The following ZBTB17 variants were observed in gnomAD, a reference collection of about 807,000 sequenced individuals.
ZBTB17 encodes the protein zinc finger and BTB domain-containing protein 17.
ZBTB17 carries 24 observed loss-of-function variants against 85.1 expected under a neutral mutation model. That is an observed-to-expected ratio of 0.28 (90% CI 0.20 to 0.40). The LOEUF is 0.40. ZBTB17 is among the 10% of genes least tolerant of loss of function. The pLI is 1.00. For synonymous variants in ZBTB17, 464 were observed against 460.2 expected, an observed-to-expected ratio of 1.01 and a Z score of -0.11; for missense variants, 743 against 1,105.1, an observed-to-expected ratio of 0.67 and a Z score of 4.65.
chr1:15,970,774 C>T lies in ZBTB17; in HGVS notation c.-3+2265G>A, dbSNP rs542288943. On this transcript the variant is annotated intron_variant, in intron 2 of 15. Transcript: ENST00000375743. ...ATGTTAGCCAGGATGGTCTCGATCT[C>T]CTGACCTCGTGATCCACCCACCTCA... is the stretch of plus-strand genomic sequence containing the variant. 2.5e-3 allele frequency among the ~76,000 whole-genome samples: 384 copies of T among 152,270 alleles called. 1 individual carries two copies. The highest frequency in any genetic ancestry group is 7.1e-3 in the Admixed American group (109 of 15,298).
intron 2 of ZBTB17, among the ~76,000 whole-genome samples, chr1:15,960,888 T>G (rs2148797155): frequency 6.6e-6 from 1 of 152,320 alleles, no homozygotes; most frequent in Admixed American, 6.5e-5. Context: ...CCAAGGTCCC[T>G]TGTAGTGTTA....
rs1424323312 is a variant in ZBTB17, at chr1:15,948,316, C to T, written c.180G>A (p.Val60=). 1 of 1,613,930 alleles carries T rather than the reference C, an allele frequency of 6.2e-7. No individual in the cohort carries two copies. Among genetic ancestry groups the T allele is most frequent in the Admixed American group, 1.7e-5 (1 of 60,032 alleles). Residue 60 remains valine (V), a synonymous_variant, in exon 3 of 16, where the codon GTG becomes GTA. Transcript: ENST00000375743. The part of the protein sequence containing the change: ...KMLFVDQKDV[V]HLDISNAAGL... ...CTGCCGCGTTACTGATGTCCAGGTG[C>T]ACCACGTCCTTCTGGTCCACGAAGA...
rs1441752551 is a variant in ZBTB17 at position 15,952,276 on chromosome 1, G to A, written c.-2-3779C>T. On this transcript the variant is annotated intron_variant, in intron 2 of 15. Transcript: ENST00000375743. The surrounding 1 kb of genome is among the most constrained non-coding windows in gnomAD (Gnocchi z 4.3). ...TTTTTCTCCCTCACCTCAGGTGTCA[G>A]AGCTGGGATGCTGTCCTGATGACCA... Among the ~76,000 whole-genome samples the A allele has an allele frequency of 6.6e-6, 1 of 152,178 alleles. No individual in the cohort carries two copies. The highest frequency in any genetic ancestry group is 1.5e-5 in the Non-Finnish European group (1 of 68,030).
At chr1:15,959,566 A>T (rs1244264902) in intron 2 of ZBTB17, among the ~76,000 whole-genome samples, 1 of 137,790 alleles carries the variant, frequency 7.3e-6, no homozygotes, top group African/African-American at 2.7e-5. Context: ...GGAAAGGAGG[A>T]AGCAACAGGG....
intron 2 of ZBTB17, among the ~76,000 whole-genome samples, chr1:15,959,920 T>C (rs1054191797): frequency 3.3e-5 from 5 of 151,990 alleles, no homozygotes; most frequent in Non-Finnish European, 7.4e-5. Flanking sequence ...AAGGAAAAAA[T>C]TTCTCATGAG....
chr1:15,948,053 T>C (rs554894315), intron 3 of ZBTB17: 466 of 591,782 alleles, frequency 7.9e-4, no homozygotes, highest in Non-Finnish European at 1.2e-3. Flanking sequence ...CACTGCGGCC[T>C]AGAGCTCATC....
At chr1:15,971,284 G>A (rs555839948) in intron 2 of ZBTB17, among the ~76,000 whole-genome samples, 3 of 151,022 alleles carry the variant, frequency 2.0e-5, no homozygotes, top group African/African-American at 7.3e-5. Flanking sequence ...TTTTGGGTAG[G>A]TAGGTGGGTG....
intron 2 of ZBTB17, among the ~76,000 whole-genome samples, chr1:15,961,854 A>G (rs1557790842): frequency 6.6e-6 from 1 of 152,202 alleles, no homozygotes. Context: ...ACATGGGGTG[A>G]CGACATGGGG....
intron 2 of ZBTB17, among the ~76,000 whole-genome samples, chr1:15,967,827 A>G (rs1176505212): frequency 1.3e-5 from 2 of 152,268 alleles, no homozygotes; most frequent in African/African-American, 4.8e-5. Context: ...TAGAAAGGTC[A>G]AGTACTTTGC....
rs546306441 is a variant in ZBTB17 at position 15,969,583 on chromosome 1, C to T, written c.-3+3456G>A. 1.5e-4 allele frequency: 58 copies of T among 399,866 alleles called. 1 individual carries two copies. Among genetic ancestry groups the T allele is most frequent in the African/African-American group, 9.3e-4 (45 of 48,524 alleles). The allele number at this position is 399,866 out of a possible 1,614,324, so 24.8% of individuals were successfully genotyped here. On this transcript the variant is annotated intron_variant, in intron 2 of 15. Coordinates refer to ENST00000375743, the MANE Select transcript of ZBTB17 (RefSeq NM_003443.3). Reference sequence around the variant, plus strand: ...GCTCATGGGGTGGGAAGTGTGAGGCCGCTGCCTGCCTGGGCCTCGGAGGGT... The same window carrying T: ...GCTCATGGGGTGGGAAGTGTGAGGCTGCTGCCTGCCTGGGCCTCGGAGGGT...
rs1360137709 is a variant in ZBTB17, at chr1:15,974,335, T to C, written c.-89-1210A>G. Reference sequence around the variant, plus strand: ...CCATGCCCGGCTATTTTTTTTTTCCTTTTTTTTTTTTTTTCTTTTAATAAA... The same window carrying C: ...CCATGCCCGGCTATTTTTTTTTTCCCTTTTTTTTTTTTTTCTTTTAATAAA... On this transcript the variant is annotated intron_variant, in intron 1 of 15. Transcript: ENST00000375743. 3.2e-3 allele frequency among the ~76,000 whole-genome samples: 373 copies of C among 117,048 alleles called. 1 individual carries two copies. Among genetic ancestry groups the C allele is most frequent in the African/African-American group, 0.01 (343 of 33,116 alleles). 76.8% of individuals were successfully genotyped at this position (117,048 alleles called of 152,430 possible). A position where few individuals can be genotyped will look rare whatever the true frequency, so the allele number is the denominator to read the frequency against.
rs916966731 is a variant in ZBTB17, at chr1:15,966,840, C to T, written c.-3+6199G>A. On this transcript the variant is annotated intron_variant, in intron 2 of 15. Coordinates refer to ENST00000375743, the MANE Select transcript of ZBTB17 (RefSeq NM_003443.3). This position sits in a 1 kb window ranked among gnomAD's most constrained non-coding sequence, Gnocchi z 4.1. ...GGAGGATCGCTTGAGCCCTGGAGGTCGAGGCTGCAGTGAGCTATAATCCCA... is the reference window on the plus strand; with the variant it reads ...GGAGGATCGCTTGAGCCCTGGAGGTTGAGGCTGCAGTGAGCTATAATCCCA... Among the ~76,000 whole-genome samples, 9 of 151,576 alleles carry T rather than the reference C, an allele frequency of 5.9e-5. No individual in the cohort carries two copies. The highest frequency in any genetic ancestry group is 8.8e-5 in the Non-Finnish European group (6 of 67,924).
At chr1:15,956,740 T>C (rs1401337236) in intron 2 of ZBTB17, among the ~76,000 whole-genome samples, 1 of 152,220 alleles carries the variant, frequency 6.6e-6, no homozygotes, top group Non-Finnish European at 1.5e-5. Flanking sequence ...GTCTACCTTG[T>C]GTTTGTCCTA....
intron 2 of ZBTB17, among the ~76,000 whole-genome samples, chr1:15,971,483 TAC>T (rs1412491150): frequency 2.0e-4 from 17 of 85,914 alleles, no homozygotes; most frequent in East Asian, 6.1e-4. Context: ...ACTATATATA[TAC>T]ACACACTATA....
Position 15,946,214 on chromosome 1 carries a change from T to C in ZBTB17, c.475A>G (p.Ile159Val). Reference sequence around the variant, plus strand: ...TCCTTGAGGTCCCTGCTGGGGCCTATGGGTGTGCTGCGTCCTGCCTGCTCC... The same window carrying C: ...TCCTTGAGGTCCCTGCTGGGGCCTACGGGTGTGCTGCGTCCTGCCTGCTCC... ...RLEQAGRSTP[I>V]GPSRDLKEER... Residue 159 changes from isoleucine (I) to valine (V), a missense_variant, in exon 5 of 16, where the codon ATA (isoleucine) becomes GTA (valine). Coordinates refer to ENST00000375743, the MANE Select transcript of ZBTB17 (RefSeq NM_003443.3). 6.2e-7 allele frequency: 1 copy of C among 1,613,444 alleles called. No homozygotes were observed. The highest frequency in any genetic ancestry group is 8.5e-7 in the Non-Finnish European group (1 of 1,180,006).
rs1002078407 is a variant in ZBTB17 at position 15,951,024 on chromosome 1, G to A, written c.-2-2527C>T. On this transcript the variant is annotated intron_variant, in intron 2 of 15. Transcript: ENST00000375743. The surrounding 1 kb of genome is among the most constrained non-coding windows in gnomAD (Gnocchi z 4.1). Reference sequence around the variant, plus strand: ...AGGCCCCAAGGACAGGGTGGGTGGTGGCCCAGCCCCCCACATACCACCACC... The same window carrying A: ...AGGCCCCAAGGACAGGGTGGGTGGTAGCCCAGCCCCCCACATACCACCACC... Among the ~76,000 whole-genome samples, 2 of 152,238 alleles carry A rather than the reference G, an allele frequency of 1.3e-5. No individual in the cohort carries two copies. Among genetic ancestry groups the A allele is most frequent in the South Asian group, 2.1e-4 (1 of 4,822 alleles).
intron 2 of ZBTB17, chr1:15,969,606 G>T: frequency 2.4e-6 from 1 of 416,978 alleles, no homozygotes; most frequent in Non-Finnish European, 4.8e-6. Flanking sequence ...GGCCTCGGAG[G>T]GTGGGGGGAG....
intron 2 of ZBTB17, among the ~76,000 whole-genome samples, chr1:15,967,534 C>T (rs779366040): frequency 1.3e-5 from 2 of 151,712 alleles, no homozygotes; most frequent in Non-Finnish European, 2.9e-5. Context: ...AAAAAAGTTT[C>T]CTGGGAGGAG....
chr1:15,948,025 T>TA, intron 3 of ZBTB17: 1 of 535,152 alleles, frequency 1.9e-6, no homozygotes, highest in South Asian at 2.0e-5. Context: ...CCCCTCCCAA[T>TA]GAGGCCTTTC....
Sources: gnomAD v4.1 joint callset for allele counts (sites outside exome capture counted in the v4.1 genomes callset) on GRCh38, gnomAD v4.1.1 for gene constraint, Gnocchi (gnomAD v3.1) non-coding constraint, MANE v1.5 for transcripts, NCBI Gene and HGNC (gene_info 2026-07-23, HGNC 2026-07-21) for gene names.